The following HINT3 variants were observed in gnomAD, a reference collection of about 807,000 sequenced individuals.
HINT3 encodes the protein histidine triad nucleotide binding protein 3.
A neutral mutation model predicts 19.1 loss-of-function variants in HINT3; 16 were observed. That is an observed-to-expected ratio of 0.84 (90% confidence interval 0.57 to 1.27). HINT3 has a LOEUF of 1.27. Among genes scored for constraint, HINT3 ranks in the 50% most tolerant of loss-of-function variants. The pLI is 0.00. For synonymous variants in HINT3, 75 were observed against 84.8 expected, an observed-to-expected ratio of 0.88 and a Z score of 0.63; for missense variants, 197 against 225.8, an observed-to-expected ratio of 0.87 and a Z score of 0.82.
chr6:125,964,296 T>G (rs1406376278), intron 1 of HINT3, among the ~76,000 whole-genome samples: 1 of 152,230 alleles, frequency 6.6e-6, no homozygotes, highest in East Asian at 1.9e-4. Flanking sequence ...TGAAGTGTGA[T>G]GTATACATGT....
chr6:125,965,720 C>T (rs1789008412), intron 1 of HINT3, among the ~76,000 whole-genome samples: 2 of 151,990 alleles, frequency 1.3e-5, no homozygotes, highest in Non-Finnish European at 1.5e-5. Flanking sequence ...CCACTGCATT[C>T]CAGCCTGGGC....
At chr6:125,961,293 G>T (rs990641978) in intron 1 of HINT3, among the ~76,000 whole-genome samples, 1 of 152,148 alleles carries the variant, frequency 6.6e-6, no homozygotes, top group Non-Finnish European at 1.5e-5. Flanking sequence ...ACACTTCTGT[G>T]ACCAAATGTA....
At position 125,967,019 on chromosome 6, in the gene HINT3, G is replaced by A. The variant is rs758756024; in HGVS notation, c.319+15G>A. ...AGTAGAACTGGGTAAGATGATGGCA[G>A]TATTCTTCATGTTTATATCATTTTC... On this transcript the variant is annotated intron_variant, in intron 2 of 4. Transcript: ENST00000229633. 3.5e-6 allele frequency: 5 copies of A among 1,426,404 alleles called. No individual in the cohort carries two copies. The African/African-American group carries it at 4.2e-5, about 12-fold the overall frequency. The allele number at this position is 1,426,404 out of a possible 1,614,324, so 88.4% of individuals were successfully genotyped here. A position where few individuals can be genotyped will look rare whatever the true frequency, so the allele number is the denominator to read the frequency against.
At chr6:125,958,781 C>G (rs1026376418) in intron 1 of HINT3, among the ~76,000 whole-genome samples, 5 of 152,202 alleles carry the variant, frequency 3.3e-5, no homozygotes, top group Admixed American at 1.3e-4. Context: ...TGGATAAAAG[C>G]CAGGGTTGCT....
In HINT3 at chr6:125,957,109, C is replaced by T. The variant is rs998601744; in HGVS notation, c.132C>T (p.Tyr44=). The change falls in exon 1 of 5, where the codon TAC becomes TAT. Residue 44 remains tyrosine (Y), a synonymous_variant. Transcript: ENST00000229633. ...AAGKSPEPKD[Y]DSTCVFCRIA... ...GCAAGTCACCAGAGCCCAAGGACTA[C>T]GACAGCACCTGCGTGTTCTGCCGGA... 25 of 1,550,750 alleles carry T rather than the reference C, an allele frequency of 1.6e-5. No individual in the cohort carries two copies. Among genetic ancestry groups the T allele is most frequent in the Middle Eastern group, 1.7e-4 (1 of 6,014 alleles).
rs895521867 is a variant in HINT3 at position 125,957,320 on chromosome 6, A to C, written c.201+142A>C. ...GCAGAGGCAGGGCCGCTCTGTGTGG[A>C]TGGGGCTCGGGGAAGCTGGGGATAC... On this transcript the variant is annotated intron_variant, in intron 1 of 4. Transcript: ENST00000229633. 4 of 921,792 alleles carry C rather than the reference A, an allele frequency of 4.3e-6. No individual in the cohort carries two copies. The African/African-American group carries it at 6.7e-5, about 15-fold the overall frequency. The allele number at this position is 921,792 out of a possible 1,614,324, so 57.1% of individuals were successfully genotyped here.
At chr6:125,967,411 G>A (rs528227643) in intron 2 of HINT3, among the ~76,000 whole-genome samples, 3 of 146,098 alleles carry the variant, frequency 2.1e-5, no homozygotes, top group Admixed American at 7.0e-5. Context: ...GGCTCACTGC[G>A]GCCTCTGCCT....
chr6:125,964,442 C>A (rs2128711069), intron 1 of HINT3, among the ~76,000 whole-genome samples: 1 of 152,192 alleles, frequency 6.6e-6, no homozygotes, highest in Non-Finnish European at 1.5e-5. Context: ...GTTTATCCTT[C>A]CATTGTGAGT....
Position 125,962,209 on chromosome 6 carries a change from T to TATACACATATATATATATATAC in HINT3, c.202-4677_202-4676insTACACATATATATATATATACA, listed in dbSNP as rs1307137196. On this transcript the variant is annotated intron_variant, in intron 1 of 4. Coordinates refer to ENST00000229633, the MANE Select transcript of HINT3 (RefSeq NM_138571.5). ...ATACACATATATATATATATATATA[T>TATACACATATATATATATATAC]ACACATATATATATATATATATATA... Among the ~76,000 whole-genome samples the TATACACATATATATATATATAC allele has an allele frequency of 9.9e-5, 2 of 20,248 alleles. 1 individual carries two copies. The highest frequency in any genetic ancestry group is 1.4e-3 in the Admixed American group (2 of 1,380). The allele number at this position is 20,248 out of a possible 152,430, so 13.3% of individuals were successfully genotyped here. A position where few individuals can be genotyped will look rare whatever the true frequency, so the allele number is the denominator to read the frequency against.
intron 1 of HINT3, among the ~76,000 whole-genome samples, chr6:125,965,382 A>C (rs1789003000): frequency 6.6e-6 from 1 of 152,228 alleles, no homozygotes; most frequent in South Asian, 2.1e-4. Flanking sequence ...GGGGAAATAA[A>C]GATATATAAC....
rs1562211533 is a variant in HINT3 at position 125,960,671 on chromosome 6, A to AGGGCGG, written c.201+3493_201+3494insGGGCGG. ...GACTCTCTCTGGGGGGGGGGAAAAA[A>AGGGCGG]AAAGAAGTTAGGGCAAGCAAGTGGC... On this transcript the variant is annotated intron_variant, in intron 1 of 4. Coordinates refer to ENST00000229633, the MANE Select transcript of HINT3 (RefSeq NM_138571.5). Among the ~76,000 whole-genome samples the AGGGCGG allele has an allele frequency of 2.2e-5, 2 of 92,472 alleles. 1 individual carries two copies. The highest frequency in any genetic ancestry group is 6.6e-5 in the African/African-American group (2 of 30,238). 60.7% of individuals were successfully genotyped at this position (92,472 alleles called of 152,430 possible).
intron 2 of HINT3, 68 bp downstream of exon 2, chr6:125,967,072 T>A: frequency 1.0e-6 from 1 of 1,004,732 alleles, no homozygotes; most frequent in African/African-American, 1.6e-5. Flanking sequence ...GCAGTGAAGA[T>A]TAAAAAGAAA....
intron 1 of HINT3, among the ~76,000 whole-genome samples, chr6:125,958,452 G>A (rs1788871908): frequency 6.6e-6 from 1 of 152,194 alleles, no homozygotes; most frequent in Non-Finnish European, 1.5e-5. Flanking sequence ...ATCTTTGAAA[G>A]GTCATTCTGG....
rs1788938745 is a variant in HINT3, at chr6:125,962,189, CATATATATATATATATATATACACATAT to C, written c.202-4680_202-4653del. Among the ~76,000 whole-genome samples the C allele has an allele frequency of 4.7e-5, 3 of 64,328 alleles. 1 individual carries two copies. The highest frequency in any genetic ancestry group is 2.2e-4 in the African/African-American group (2 of 9,168). 42.2% of individuals were successfully genotyped at this position (64,328 alleles called of 152,430 possible). ...ATATATATATATATATATATATACACATATATATATATATATATATACACATATATATATATATATATATACACATATA... is the reference window on the plus strand; with the variant it reads ...ATATATATATATATATATATATACACATATATATATATATATACACATATA... On this transcript the variant is annotated intron_variant, in intron 1 of 4. Transcript: ENST00000229633.
chr6:125,969,019 A>T (rs1329256318), intron 2 of HINT3, among the ~76,000 whole-genome samples: 1 of 152,092 alleles, frequency 6.6e-6, no homozygotes, highest in African/African-American at 2.4e-5. Flanking sequence ...ATTTGGTCCT[A>T]CTTGTCAATT....
At chr6:125,962,233 T>TACACATATATATATATATATATACAC (rs1562212176) in intron 1 of HINT3, among the ~76,000 whole-genome samples, 4 of 20,702 alleles carry the variant, frequency 1.9e-4, no homozygotes, top group African/African-American at 3.2e-4. Context: ...TATATATATA[T>TACACATATATATATATATATATACAC]ACACATATAT....
At chr6:125,968,650 T>A (rs908323347) in intron 2 of HINT3, among the ~76,000 whole-genome samples, 4 of 152,234 alleles carry the variant, frequency 2.6e-5, no homozygotes, top group Non-Finnish European at 5.9e-5. Context: ...AGTGTTATGT[T>A]TTCTCTTCTG....
At chr6:125,960,350 T>C (rs1404489961) in intron 1 of HINT3, among the ~76,000 whole-genome samples, 1 of 152,080 alleles carries the variant, frequency 6.6e-6, no homozygotes, top group Non-Finnish European at 1.5e-5. Flanking sequence ...TATAGAAGTG[T>C]AGTGAGACAC....
intron 1 of HINT3, among the ~76,000 whole-genome samples, chr6:125,959,012 G>C (rs1788880739): frequency 6.6e-6 from 1 of 152,146 alleles, no homozygotes; most frequent in Non-Finnish European, 1.5e-5. Context: ...CATTAAGCTC[G>C]GGAACACAGG....
Sources: allele counts gnomAD v4.1 joint callset (sites outside exome capture counted in the v4.1 genomes callset), GRCh38; gene constraint gnomAD v4.1.1; transcripts MANE v1.5; gene names NCBI Gene and HGNC (gene_info 2026-07-23, HGNC 2026-07-21).